APBB2: variants seen among roughly 807,000 people sequenced by gnomAD.
APBB2 encodes Fe65-like 1.
In APBB2, 38 loss-of-function variants were observed where a neutral mutation model predicts 82.5. The ratio of observed to expected loss-of-function variants is 0.46; its 90% confidence interval spans 0.36 to 0.60. The LOEUF (loss-of-function observed/expected upper bound fraction) is 0.60. Ranked by LOEUF, APBB2 falls within the 20% of genes least tolerant of loss-of-function variation. APBB2 has a pLI of 0.00. For synonymous variants in APBB2, 341 were observed against 368.2 expected, an observed-to-expected ratio of 0.93 and a Z score of 0.85; for missense variants, 772 against 972.3, an observed-to-expected ratio of 0.79 and a Z score of 2.74.
intron 6 of APBB2, among the ~76,000 whole-genome samples, chr4:40,948,302 G>T (rs547885680): frequency 6.6e-6 from 1 of 152,294 alleles, no homozygotes; most frequent in South Asian, 2.1e-4. Flanking sequence ...TACACATTTA[G>T]GCTGGACGCA....
intron 4 of APBB2, among the ~76,000 whole-genome samples, chr4:41,047,767 G>A (rs557119994): frequency 2.6e-5 from 4 of 152,136 alleles, no homozygotes; most frequent in East Asian, 3.8e-4. Context: ...GTAACATGGC[G>A]ACTCCAAAGA....
chr4:40,836,051 G>A (rs1192733286), intron 12 of APBB2, among the ~76,000 whole-genome samples: 3 of 152,186 alleles, frequency 2.0e-5, no homozygotes, highest in African/African-American at 7.2e-5. Flanking sequence ...TTGTGCTTGA[G>A]GAGCACCAGG....
chr4:40,827,366 G>A (rs1022995253), intron 13 of APBB2, 147 bp from the exon 14 acceptor site: 1 of 626,478 alleles, frequency 1.6e-6, no homozygotes, highest in Non-Finnish European at 2.8e-6. Flanking sequence ...TGCATCTCTG[G>A]GGCTACATAT....
At chr4:41,134,420 A>G (rs908373354) in intron 2 of APBB2, among the ~76,000 whole-genome samples, 2 of 152,144 alleles carry the variant, frequency 1.3e-5, no homozygotes, top group African/African-American at 4.8e-5. Flanking sequence ...TCTACTAAAA[A>G]TACAAAAAAA....
intron 4 of APBB2, among the ~76,000 whole-genome samples, chr4:41,059,537 A>G (rs966182315): frequency 2.0e-5 from 3 of 152,268 alleles, no homozygotes; most frequent in Non-Finnish European, 4.4e-5. Flanking sequence ...GGCAAGGAAC[A>G]CCTGGCCCGC....
intron 12 of APBB2, among the ~76,000 whole-genome samples, chr4:40,851,739 T>TATATATATATATATA (rs57639176): frequency 2.0e-4 from 7 of 34,810 alleles, no homozygotes; most frequent in African/African-American, 6.0e-4. Flanking sequence ...TATATATATA[T>TATATATATATATATA]TTTTTTTTTT....
chr4:41,129,985 G>C (rs562540585), intron 2 of APBB2, among the ~76,000 whole-genome samples: 1 of 152,174 alleles, frequency 6.6e-6, no homozygotes, highest in South Asian at 2.1e-4. Flanking sequence ...TTAAAACATC[G>C]ATCAGGGTAG....
chr4:41,043,766 T>C, intron 4 of APBB2, among the ~76,000 whole-genome samples: 1 of 152,180 alleles, frequency 6.6e-6, no homozygotes, highest in Non-Finnish European at 1.5e-5. Context: ...CCATTAGTGC[T>C]GTCTATTTTT....
At chr4:40,976,866 T>C (rs1797289727) in intron 6 of APBB2, among the ~76,000 whole-genome samples, 1 of 151,874 alleles carries the variant, frequency 6.6e-6, no homozygotes, top group African/African-American at 2.4e-5. Context: ...ATGGGCAACA[T>C]AGTGAGACCC....
chr4:41,046,942 A>G (rs1233322405), intron 4 of APBB2, among the ~76,000 whole-genome samples: 1 of 152,218 alleles, frequency 6.6e-6, no homozygotes, highest in African/African-American at 2.4e-5. Flanking sequence ...ACCTGGTTCA[A>G]TTTTGTCACC....
At chr4:41,016,842 C>T (rs1404449958) in intron 5 of APBB2, among the ~76,000 whole-genome samples, 3 of 151,884 alleles carry the variant, frequency 2.0e-5, no homozygotes, top group Admixed American at 6.6e-5. Context: ...TCTGTATATG[C>T]CATATTTATT....
At chr4:41,042,696 G>A (rs2154448493) in intron 4 of APBB2, among the ~76,000 whole-genome samples, 1 of 152,276 alleles carries the variant, frequency 6.6e-6, no homozygotes, top group East Asian at 1.9e-4. Context: ...ACCACCCTAA[G>A]CCAGCCAACC....
chr4:41,199,536 T>C (rs1018653718), intron 1 of APBB2, among the ~76,000 whole-genome samples: 9 of 152,232 alleles, frequency 5.9e-5, no homozygotes, highest in Non-Finnish European at 1.3e-4. Flanking sequence ...TTTTGACCAA[T>C]GAACAATAAT....
intron 6 of APBB2, among the ~76,000 whole-genome samples, chr4:40,957,399 A>G (rs770009765): frequency 2.0e-5 from 3 of 152,068 alleles, no homozygotes; most frequent in Non-Finnish European, 2.9e-5. Flanking sequence ...CAATTTAGAA[A>G]TGATGTATCA....
At position 40,945,090 on chromosome 4, in the gene APBB2, CG is replaced by C; in HGVS notation, c.836-18del. Reference sequence around the variant, plus strand: ...ATATATCTGCTGAAAAATTGGGGGGCGGGGCGGGGGGAGAAAGAGAGAATTT... The same window carrying C: ...ATATATCTGCTGAAAAATTGGGGGGCGGGCGGGGGGAGAAAGAGAGAATTT... On this transcript the variant is annotated intron_variant, in intron 6 of 17. Transcript: ENST00000508593. The C allele has an allele frequency of 1.5e-6, 1 of 656,248 alleles. No homozygotes were observed. The highest frequency in any genetic ancestry group is 2.1e-5 in the South Asian group (1 of 48,322). The allele number at this position is 656,248 out of a possible 1,614,324, so 40.7% of individuals were successfully genotyped here.
At chr4:40,935,802 C>A (rs897925501) in intron 7 of APBB2, among the ~76,000 whole-genome samples, 1 of 151,828 alleles carries the variant, frequency 6.6e-6, no homozygotes, top group African/African-American at 2.4e-5. Context: ...CAAATTAATA[C>A]TTGATCATGA....
intron 5 of APBB2, among the ~76,000 whole-genome samples, chr4:41,022,391 G>A (rs1305509722): frequency 6.6e-6 from 1 of 152,104 alleles, no homozygotes; most frequent in African/African-American, 2.4e-5. Context: ...TGATGTACAT[G>A]GAGTTAATTA....
At chr4:41,137,389 C>T (rs1757881070) in intron 2 of APBB2, among the ~76,000 whole-genome samples, 1 of 152,072 alleles carries the variant, frequency 6.6e-6, no homozygotes, top group Non-Finnish European at 1.5e-5. Flanking sequence ...CAAAGCACTG[C>T]TTAAAGTCAT....
chr4:40,907,994 GTA>G (rs1777512716), intron 10 of APBB2, among the ~76,000 whole-genome samples: 1 of 147,762 alleles, frequency 6.8e-6, no homozygotes, highest in South Asian at 2.1e-4. Context: ...GTGTGTGTGT[GTA>G]TGTGTGTATG....
Sources: allele counts gnomAD v4.1 joint callset (sites outside exome capture counted in the v4.1 genomes callset), GRCh38; gene constraint gnomAD v4.1.1; transcripts MANE v1.5; gene names NCBI Gene and HGNC (gene_info 2026-07-23, HGNC 2026-07-21).